Variants in NRXN1 observed in about 807,000 individuals in gnomAD.
The protein encoded by NRXN1 is neurexin-1.
A neutral mutation model predicts 150.9 loss-of-function variants in NRXN1; 39 were observed. The observed-to-expected ratio is 0.26, with a 90% confidence interval of 0.20 to 0.34. The LOEUF (loss-of-function observed/expected upper bound fraction) is 0.34, where lower values mean the gene tolerates loss of function less well. NRXN1 is among the 10% of genes least tolerant of loss of function. The probability of loss-of-function intolerance (pLI) is 1.00; values close to 1 mark genes in which losing one functional copy is unlikely to be tolerated. For missense variants in NRXN1, 1,815 were observed against 1,949.9 expected, an observed-to-expected ratio of 0.93 and a Z score of 1.30; for synonymous variants, 924 against 757.0, an observed-to-expected ratio of 1.22 and a Z score of -3.62.
chr2:50,172,627 A>G (rs1014734569), intron 18 of NRXN1, among the ~76,000 whole-genome samples: 1 of 152,150 alleles, frequency 6.6e-6, no homozygotes, highest in East Asian at 1.9e-4. Context: ...CCAAAACTCA[A>G]TTTTTCTGTA....
chr2:50,619,875 A>G lies in NRXN1; in HGVS notation c.1320+147T>C, dbSNP rs72885621. 6,944 of 633,788 alleles carry G rather than the reference A, an allele frequency of 0.011. 373 individuals are homozygous for G. The African/African-American group carries it at 0.12, about 11-fold the overall frequency. The allele number at this position is 633,788 out of a possible 1,614,324, so 39.3% of individuals were successfully genotyped here. Reference sequence around the variant, plus strand: ...ATCTATGAGCTGTTTCCCTCCCCCAATCCTACATAAACAATAGTAGAATAT... The same window carrying G: ...ATCTATGAGCTGTTTCCCTCCCCCAGTCCTACATAAACAATAGTAGAATAT... On this transcript the variant is annotated intron_variant, in intron 8 of 22. Transcript: ENST00000401669.
At position 51,027,877 on chromosome 2, in the gene NRXN1, C is replaced by T; in HGVS notation, c.397G>A (p.Val133Met). ...TTGACCTCCACCCACTTGGCCTCCA[C>T]CTGGTCGATGAAGAGCGTGGTGTTG... ...FRNTTLFIDQ[V>M]EAKWVEVKSK... Residue 133 changes from valine (V) to methionine (M), a missense_variant, in exon 2 of 23, where the codon GTG becomes ATG. This residue lies in a region of NRXN1 where 554 missense variants were observed against 478.8 expected (regional missense o/e 1.16). Transcript: ENST00000401669. 1 of 1,612,652 alleles carries T rather than the reference C, an allele frequency of 6.2e-7. No homozygotes were observed. The highest frequency in any genetic ancestry group is 8.5e-7 in the Non-Finnish European group (1 of 1,179,732).
At chr2:49,980,214 A>C (rs986089651) in intron 21 of NRXN1, among the ~76,000 whole-genome samples, 1 of 152,202 alleles carries the variant, frequency 6.6e-6, no homozygotes, top group Non-Finnish European at 1.5e-5. Flanking sequence ...TTTATTATGC[A>C]TAAGAACCAA....
chr2:50,708,865 C>G (rs1027379724), intron 5 of NRXN1, among the ~76,000 whole-genome samples: 4 of 152,124 alleles, frequency 2.6e-5, no homozygotes, highest in Admixed American at 2.6e-4. Flanking sequence ...GCTACAGAAG[C>G]CTGAATCAAG....
intron 5 of NRXN1, among the ~76,000 whole-genome samples, chr2:50,668,197 C>T (rs1240248400): frequency 1.3e-5 from 2 of 151,888 alleles, no homozygotes; most frequent in African/African-American, 2.4e-5. Context: ...GCCTCAGTGG[C>T]ATTTTCACAG....
At chr2:50,915,632 A>C (rs1195184023) in intron 5 of NRXN1, among the ~76,000 whole-genome samples, 3 of 151,554 alleles carry the variant, frequency 2.0e-5, no homozygotes, top group Non-Finnish European at 4.4e-5. Flanking sequence ...GTTTCAACCA[A>C]AGACAATGCC....
intron 8 of NRXN1, among the ~76,000 whole-genome samples, chr2:50,613,811 A>T (rs1051223913): frequency 1.3e-5 from 2 of 151,988 alleles, no homozygotes; most frequent in African/African-American, 4.8e-5. Flanking sequence ...GGTGACGGGC[A>T]CTTGTAGTCC....
chr2:50,964,234 C>T (rs775843631), intron 2 of NRXN1, among the ~76,000 whole-genome samples: 6 of 151,444 alleles, frequency 4.0e-5, no homozygotes, highest in Non-Finnish European at 5.9e-5. Flanking sequence ...CATTCTAAGT[C>T]GCATGTTTAG....
chr2:50,440,109 G>A (rs980064675), intron 17 of NRXN1, among the ~76,000 whole-genome samples: 5 of 152,288 alleles, frequency 3.3e-5, no homozygotes, highest in Non-Finnish European at 7.4e-5. Flanking sequence ...GATTTGTTCC[G>A]TTGGAAGCAA....
rs1668081927 is a variant in NRXN1, at chr2:49,920,912, A to G, written c.*1032T>C. On this transcript the variant is annotated 3_prime_UTR_variant, in exon 23 of 23. Transcript: ENST00000401669. The stretch of plus-strand genomic sequence containing the variant: ...AGAAAAGAAGTAGCTGAGTCTTTGT[A>G]TATACATTCATACATATCTTCCTTA... The G allele has an allele frequency of 6.6e-6, 1 of 152,626 alleles. No individual in the cohort carries two copies. The highest frequency in any genetic ancestry group is 2.1e-4 in the South Asian group (1 of 4,836). The allele number at this position is 152,626 out of a possible 1,614,324, so 9.5% of individuals were successfully genotyped here.
chr2:50,152,993 G>C (rs1054781445), intron 18 of NRXN1, among the ~76,000 whole-genome samples: 3 of 151,326 alleles, frequency 2.0e-5, no homozygotes, highest in African/African-American at 7.3e-5. Flanking sequence ...GGTTCCTTAG[G>C]CACTATTTAC....
chr2:50,826,524 T>C (rs1670466781), intron 5 of NRXN1, among the ~76,000 whole-genome samples: 3 of 151,980 alleles, frequency 2.0e-5, no homozygotes, highest in African/African-American at 2.4e-5. Context: ...CCTGTGAAAA[T>C]GAAAAGACCC....
chr2:50,819,936 G>A (rs956915936), intron 5 of NRXN1, among the ~76,000 whole-genome samples: 4 of 151,928 alleles, frequency 2.6e-5, no homozygotes, highest in African/African-American at 9.7e-5. Context: ...ACCCTGACTT[G>A]TCCTGGTACG....
intron 18 of NRXN1, among the ~76,000 whole-genome samples, chr2:50,179,898 T>C (rs1319880287): frequency 3.3e-5 from 5 of 152,172 alleles, no homozygotes; most frequent in Non-Finnish European, 5.9e-5. Context: ...TGCCTACAAA[T>C]AATCGGTTTG....
chr2:50,886,556 A>G (rs1056588060), intron 5 of NRXN1, among the ~76,000 whole-genome samples: 3 of 151,532 alleles, frequency 2.0e-5, no homozygotes, highest in African/African-American at 7.2e-5. Flanking sequence ...AACAAAAAAT[A>G]ATTATAAGCA....
At chr2:50,472,643 A>T (rs1454950568) in intron 15 of NRXN1, among the ~76,000 whole-genome samples, 172 bp from the exon 16 acceptor site, 7 of 150,796 alleles carry the variant, frequency 4.6e-5, no homozygotes, top group Non-Finnish European at 7.4e-5. Context: ...TGAATAATAT[A>T]CTGGCACTAG....
At chr2:50,985,623 G>C (rs980497923) in intron 2 of NRXN1, among the ~76,000 whole-genome samples, 8 of 151,496 alleles carry the variant, frequency 5.3e-5, no homozygotes, top group Non-Finnish European at 1.2e-4. Context: ...AAGGATCCAA[G>C]GAAGAAGATA....
chr2:50,074,952 A>C (rs556562997), intron 19 of NRXN1, among the ~76,000 whole-genome samples: 18 of 152,324 alleles, frequency 1.2e-4, no homozygotes, highest in Non-Finnish European at 2.6e-4. Context: ...TATTCAATAC[A>C]TACAACGGTA....
At chr2:50,249,567 G>C (rs751563095) in intron 17 of NRXN1, among the ~76,000 whole-genome samples, 1 of 151,804 alleles carries the variant, frequency 6.6e-6, no homozygotes, top group Non-Finnish European at 1.5e-5. Flanking sequence ...TGATAAAAAG[G>C]TGTGACATAG....
Sources: allele counts gnomAD v4.1 joint callset (sites outside exome capture counted in the v4.1 genomes callset), GRCh38; gene constraint gnomAD v4.1.1; regional missense constraint gnomAD v4.1.1; transcripts MANE v1.5; gene names NCBI Gene and HGNC (gene_info 2026-07-23, HGNC 2026-07-21).